Variants in CAMK1D observed in about 807,000 individuals in gnomAD.
CAMK1D encodes the protein calcium/calmodulin-dependent protein kinase type 1D.
Under a neutral mutation model 47.7 loss-of-function variants are expected in CAMK1D, and 9 were observed. The observed-to-expected ratio is 0.19, with a 90% confidence interval of 0.11 to 0.33. The LOEUF is 0.33. CAMK1D is among the 10% of genes least tolerant of loss of function. CAMK1D has a pLI of 1.00. For missense variants in CAMK1D, 291 were observed against 488.7 expected, an observed-to-expected ratio of 0.60 and a Z score of 3.81; for synonymous variants, 184 against 184.9, an observed-to-expected ratio of 0.99 and a Z score of 0.04.
At chr10:12,547,615 T>C (rs1836422708) in intron 1 of CAMK1D, among the ~76,000 whole-genome samples, 1 of 150,786 alleles carries the variant, frequency 6.6e-6, no homozygotes, top group South Asian at 2.1e-4. Flanking sequence ...TTTTCCTTGC[T>C]TTAGTGTTTC....
chr10:12,814,237 G>A lies in CAMK1D; in HGVS notation c.684G>A (p.Lys228=), dbSNP rs190382582. Residue 228 remains lysine (K), a synonymous_variant, in exon 7 of 11, where the codon AAG becomes AAA. Coordinates refer to ENST00000619168, the MANE Select transcript of CAMK1D (RefSeq NM_153498.4). ...CTTTTTATGATGAAAATGACTCCAA[G>A]CTCTTTGAGCAGATCCTCAAGGCGG... The part of the protein sequence containing the change: ...YPPFYDENDS[K]LFEQILKAEY... The A allele has an allele frequency of 1.7e-5, 27 of 1,613,970 alleles. No individual in the cohort carries two copies. In the East Asian group the frequency reaches 4.7e-4, roughly 28 times the overall value.
chr10:12,451,928 G>A (rs1833094826), intron 1 of CAMK1D, among the ~76,000 whole-genome samples: 1 of 152,196 alleles, frequency 6.6e-6, no homozygotes, highest in Admixed American at 6.5e-5. Context: ...AGGAACCAGA[G>A]CAACAGAGAC....
chr10:12,765,254 A>G (rs1836694591), intron 4 of CAMK1D, among the ~76,000 whole-genome samples: 1 of 152,222 alleles, frequency 6.6e-6, no homozygotes, highest in African/African-American at 2.4e-5. Context: ...AGTTTCTATT[A>G]AAGAACAGAA....
At chr10:12,580,398 A>C (rs1401216121) in intron 2 of CAMK1D, among the ~76,000 whole-genome samples, 2 of 100,012 alleles carry the variant, frequency 2.0e-5, no homozygotes, top group Non-Finnish European at 1.7e-5. Context: ...GCTGTTTCTC[A>C]CCCCTTGTCT....
intron 3 of CAMK1D, among the ~76,000 whole-genome samples, chr10:12,742,247 C>T (rs1210957663): frequency 6.6e-6 from 1 of 152,170 alleles, no homozygotes; most frequent in Non-Finnish European, 1.5e-5. Flanking sequence ...ACCATCCTTC[C>T]ACCTCAGCCC....
At chr10:12,401,841 A>G (rs958736086) in intron 1 of CAMK1D, among the ~76,000 whole-genome samples, 1 of 151,926 alleles carries the variant, frequency 6.6e-6, no homozygotes, top group African/African-American at 2.4e-5. Context: ...GGGAGTAGTG[A>G]GAGAGAAAGC....
intron 2 of CAMK1D, among the ~76,000 whole-genome samples, chr10:12,637,476 C>T (rs373866939): frequency 5.3e-5 from 8 of 152,224 alleles, no homozygotes; most frequent in African/African-American, 1.9e-4. Context: ...AACGCATGGA[C>T]GTATGACATC....
chr10:12,416,761 G>A (rs1450609329), intron 1 of CAMK1D, among the ~76,000 whole-genome samples: 1 of 152,224 alleles, frequency 6.6e-6, no homozygotes, highest in African/African-American at 2.4e-5. Flanking sequence ...GTGAAGTTCT[G>A]TTTTTCCGGT....
intron 4 of CAMK1D, among the ~76,000 whole-genome samples, chr10:12,765,824 G>A (rs1836729547): frequency 6.6e-6 from 1 of 152,064 alleles, no homozygotes; most frequent in Non-Finnish European, 1.5e-5. Flanking sequence ...GCTTGAGGAG[G>A]TGGTGTCTGA....
At chr10:12,672,616 C>T (rs140852365) in intron 3 of CAMK1D, among the ~76,000 whole-genome samples, 8,497 of 152,066 alleles carry the variant, frequency 0.056, 458 homozygotes, top group African/African-American at 0.14. Flanking sequence ...AGTGATCCAC[C>T]CACCTCAGCC....
Position 12,670,312 on chromosome 10 carries a change from T to C in CAMK1D, c.299+3502T>C, listed in dbSNP as rs374586031. Among the ~76,000 whole-genome samples, 12 of 152,242 alleles carry C rather than the reference T, an allele frequency of 7.9e-5. No homozygotes were observed. In the East Asian group the frequency reaches 1.7e-3, roughly 22 times the overall value. ...TTTTTTTATGCCCCGATTGGCCACT[T>C]GTATATCTTCTTTTATGAAGTGTCT... On this transcript the variant is annotated intron_variant, in intron 3 of 10. Transcript: ENST00000619168.
rs1554822757 is a variant in CAMK1D, at chr10:12,764,398, A to AAAAAAAC, written c.438+3312_438+3313insAAAAAAC. ...CTTTGTCTCAAAAAAAAAAAAAAAA[A>AAAAAAAC]CATTGATCTAAACTGTGAATGACCA... On this transcript the variant is annotated intron_variant, in intron 4 of 10. Coordinates refer to ENST00000619168, the MANE Select transcript of CAMK1D (RefSeq NM_153498.4). 1.7e-3 allele frequency among the ~76,000 whole-genome samples: 251 copies of AAAAAAAC among 151,270 alleles called. 3 individuals carry two copies. Among genetic ancestry groups the AAAAAAAC allele is most frequent in the African/African-American group, 5.5e-3 (226 of 41,144 alleles).
At chr10:12,827,276 C>CTTCT (rs1564593570) in intron 10 of CAMK1D, among the ~76,000 whole-genome samples, 1 of 135,898 alleles carries the variant, frequency 7.4e-6, no homozygotes, top group Non-Finnish European at 1.6e-5. Flanking sequence ...CCTTCTCTTT[C>CTTCT]TTTTCTTTTT....
At chr10:12,795,690 TC>T (rs1273016039) in intron 6 of CAMK1D, among the ~76,000 whole-genome samples, 1 of 152,246 alleles carries the variant, frequency 6.6e-6, no homozygotes. Flanking sequence ...TAAACATTCC[TC>T]CTTTTGCTGG....
At chr10:12,483,797 C>T (rs1192167034) in intron 1 of CAMK1D, among the ~76,000 whole-genome samples, 1 of 152,216 alleles carries the variant, frequency 6.6e-6, no homozygotes, top group Non-Finnish European at 1.5e-5. Context: ...AGTGATTCTC[C>T]TGCCTTTGCC....
chr10:12,567,571 T>C (rs958344384), intron 2 of CAMK1D, among the ~76,000 whole-genome samples: 1 of 152,336 alleles, frequency 6.6e-6, no homozygotes, highest in East Asian at 1.9e-4. Context: ...AAAGTAAACT[T>C]GTGGAAAGAA....
intron 5 of CAMK1D, among the ~76,000 whole-genome samples, chr10:12,790,519 TG>T (rs1301419656): frequency 6.6e-6 from 1 of 152,176 alleles, no homozygotes; most frequent in East Asian, 1.9e-4. Context: ...TGTGTTACAG[TG>T]CTTAGTACGG....
chr10:12,417,362 A>G (rs770158153), intron 1 of CAMK1D, among the ~76,000 whole-genome samples: 3 of 152,210 alleles, frequency 2.0e-5, no homozygotes, highest in Admixed American at 6.5e-5. Flanking sequence ...TGTCAATGTC[A>G]TGTTTTGAAG....
At chr10:12,708,675 C>G (rs920770807) in intron 3 of CAMK1D, among the ~76,000 whole-genome samples, 3 of 152,192 alleles carry the variant, frequency 2.0e-5, no homozygotes, top group Admixed American at 6.5e-5. Context: ...TATTAACTCC[C>G]AAGACAGTAT....
Sources: allele counts gnomAD v4.1 joint callset (sites outside exome capture counted in the v4.1 genomes callset), GRCh38; gene constraint gnomAD v4.1.1; transcripts MANE v1.5; gene names NCBI Gene and HGNC (gene_info 2026-07-23, HGNC 2026-07-21).